GPATCH2: variants seen among roughly 807,000 people sequenced by gnomAD.
GPATCH2 encodes the protein G-patch domain containing 2, also known as G patch domain-containing protein 2.
GPATCH2 carries 51 observed loss-of-function variants against 58.0 expected under a neutral mutation model. That is an observed-to-expected ratio of 0.88 (90% confidence interval 0.70 to 1.11). GPATCH2 has a LOEUF of 1.11. GPATCH2 is among the 50% of genes most tolerant of loss of function. The probability of loss-of-function intolerance (pLI) is 0.00; values close to 1 mark genes in which losing one functional copy is unlikely to be tolerated. For synonymous variants in GPATCH2, 222 were observed against 218.5 expected, an observed-to-expected ratio of 1.02 and a Z score of -0.14; for missense variants, 625 against 652.2, an observed-to-expected ratio of 0.96 and a Z score of 0.45.
intron 5 of GPATCH2, among the ~76,000 whole-genome samples, chr1:217,546,285 G>A (rs1244587553): frequency 6.6e-6 from 1 of 151,936 alleles, no homozygotes; most frequent in African/African-American, 2.4e-5. Flanking sequence ...CACAGAACTA[G>A]AAAAAAACTA....
At position 217,427,430 on chromosome 1, in the gene GPATCH2, C is replaced by T. The variant is rs1658378440; in HGVS notation, c.*3715G>A. The T allele has an allele frequency of 6.6e-6, 1 of 152,048 alleles. No homozygotes were observed. The highest frequency in any genetic ancestry group is 6.6e-5 in the Admixed American group (1 of 15,262). 9.4% of individuals were successfully genotyped at this position (152,048 alleles called of 1,614,324 possible). The stretch of plus-strand genomic sequence containing the variant: ...TAAATGATAATTGTCAATGGGTACT[C>T]ATTTAAACCAATTTTTAAAGTACTT... On this transcript the variant is annotated 3_prime_UTR_variant, in exon 10 of 10. Coordinates refer to ENST00000366935, the MANE Select transcript of GPATCH2 (RefSeq NM_018040.5).
intron 8 of GPATCH2, among the ~76,000 whole-genome samples, chr1:217,453,316 C>G (rs1479649257): frequency 6.6e-6 from 1 of 152,062 alleles, no homozygotes; most frequent in African/African-American, 2.4e-5. Context: ...AAACACCAAT[C>G]AACTAGATAT....
intron 6 of GPATCH2, among the ~76,000 whole-genome samples, chr1:217,501,528 G>A (rs926481065): frequency 6.6e-6 from 1 of 152,048 alleles, no homozygotes; most frequent in Non-Finnish European, 1.5e-5. Flanking sequence ...ACATTTTCCA[G>A]AATGGCTACA....
In GPATCH2 at chr1:217,620,419, CCA is replaced by C. The variant is rs1439092766; in HGVS notation, c.135_136del (p.Gly46IlefsTer3). The C allele has an allele frequency of 3.1e-6, 5 of 1,613,928 alleles. No individual in the cohort carries two copies. In the African/African-American group the frequency reaches 6.7e-5, roughly 22 times the overall value. On this transcript the variant is annotated frameshift_variant, in exon 2 of 10. Coordinates refer to ENST00000366935, the MANE Select transcript of GPATCH2 (RefSeq NM_018040.5). LOFTEE classifies it high-confidence loss of function. ...AGAATGGTCTCCTGTTTCAGCAAAT[CCA>C]CCTCGAGCTTGCTCTGAGCTCTCTT... is the stretch of plus-strand genomic sequence containing the variant.
intron 8 of GPATCH2, among the ~76,000 whole-genome samples, chr1:217,473,873 C>G (rs572702683): frequency 6.6e-6 from 1 of 151,982 alleles, no homozygotes; most frequent in East Asian, 1.9e-4. Context: ...ATAAGGACAC[C>G]CCTCAGGAAA....
intron 6 of GPATCH2, among the ~76,000 whole-genome samples, chr1:217,503,440 A>T (rs1662400892): frequency 6.6e-6 from 1 of 152,150 alleles, no homozygotes; most frequent in Non-Finnish European, 1.5e-5. Flanking sequence ...AATGTAGTGG[A>T]TGATGAAAGA....
chr1:217,554,035 G>A (rs952561198), intron 5 of GPATCH2, among the ~76,000 whole-genome samples: 2 of 152,148 alleles, frequency 1.3e-5, no homozygotes, highest in East Asian at 1.9e-4. Context: ...ACGCTTCAGC[G>A]CAAACAACTC....
In GPATCH2 at chr1:217,428,760, C is replaced by G. The variant is rs554763410; in HGVS notation, c.*2385G>C. Reference sequence around the variant, plus strand: ...AACTGTCTTCTATTAGCTGAAAATACAAAGAAGAATTTTTTTAGGTGTTAG... The same window carrying G: ...AACTGTCTTCTATTAGCTGAAAATAGAAAGAAGAATTTTTTTAGGTGTTAG... On this transcript the variant is annotated 3_prime_UTR_variant, in exon 10 of 10. Transcript: ENST00000366935. The G allele has an allele frequency of 6.6e-6, 1 of 152,258 alleles. No homozygotes were observed. Among genetic ancestry groups the G allele is most frequent in the South Asian group, 2.1e-4 (1 of 4,820 alleles). The allele number at this position is 152,258 out of a possible 1,614,324, so 9.4% of individuals were successfully genotyped here. A position where few individuals can be genotyped will look rare whatever the true frequency, so the allele number is the denominator to read the frequency against.
chr1:217,591,323 G>A (rs963272504), intron 5 of GPATCH2, among the ~76,000 whole-genome samples: 4 of 152,024 alleles, frequency 2.6e-5, no homozygotes, highest in South Asian at 2.1e-4. Context: ...GTGTGTGTGC[G>A]TAAGACTAAT....
chr1:217,599,473 G>C (rs1408711670), intron 5 of GPATCH2, among the ~76,000 whole-genome samples: 2 of 152,220 alleles, frequency 1.3e-5, no homozygotes, highest in East Asian at 3.8e-4. Context: ...GATGTGGCAA[G>C]AGTGGAGGCA....
chr1:217,532,898 TTG>T (rs1491077333), intron 5 of GPATCH2, among the ~76,000 whole-genome samples: 10 of 10,848 alleles, frequency 9.2e-4, no homozygotes, highest in East Asian at 4.7e-3. Context: ...TTTTTTTTTT[TTG>T]TTTTTTTTTT....
chr1:217,623,033 T>G (rs1048202654), intron 1 of GPATCH2, among the ~76,000 whole-genome samples: 2 of 152,220 alleles, frequency 1.3e-5, no homozygotes, highest in Admixed American at 6.5e-5. Context: ...TCTTTTCCTG[T>G]GACATTATTT....
intron 5 of GPATCH2, among the ~76,000 whole-genome samples, chr1:217,568,868 G>A (rs550027471): frequency 1.3e-5 from 2 of 152,162 alleles, no homozygotes; most frequent in South Asian, 4.1e-4. Flanking sequence ...AGACCGTAGA[G>A]AGCAAAGGCA....
intron 5 of GPATCH2, among the ~76,000 whole-genome samples, chr1:217,553,848 G>A (rs2102675537): frequency 6.6e-6 from 1 of 152,250 alleles, no homozygotes; most frequent in East Asian, 1.9e-4. Flanking sequence ...GTAACCAAAA[G>A]CTTCCAAACA....
chr1:217,596,845 C>G (rs1667855153), intron 5 of GPATCH2, among the ~76,000 whole-genome samples: 1 of 151,998 alleles, frequency 6.6e-6, no homozygotes, highest in Admixed American at 6.6e-5. Flanking sequence ...AATTTTAAAA[C>G]CTGTGTATTT....
chr1:217,622,076 C>A (rs751476410), intron 1 of GPATCH2, among the ~76,000 whole-genome samples: 2 of 152,192 alleles, frequency 1.3e-5, no homozygotes, highest in Non-Finnish European at 2.9e-5. Flanking sequence ...ATCAGCTACA[C>A]GATCCCAGTG....
intron 6 of GPATCH2, among the ~76,000 whole-genome samples, chr1:217,507,064 A>G (rs960882460): frequency 6.6e-6 from 1 of 152,216 alleles, no homozygotes; most frequent in African/African-American, 2.4e-5. Context: ...GAGAACCACA[A>G]CAACTGTGAT....
chr1:217,468,723 A>G (rs1660587494), intron 8 of GPATCH2, among the ~76,000 whole-genome samples: 2 of 152,224 alleles, frequency 1.3e-5, no homozygotes, highest in African/African-American at 2.4e-5. Context: ...GTTATTTTTT[A>G]TAGATGGGAT....
intron 5 of GPATCH2, among the ~76,000 whole-genome samples, chr1:217,516,260 T>G (rs374203615): frequency 1.3e-5 from 2 of 152,040 alleles, no homozygotes; most frequent in Non-Finnish European, 2.9e-5. Flanking sequence ...ATTATAGAAG[T>G]GCCATTTATA....
Sources: gnomAD v4.1 joint callset for allele counts (sites outside exome capture counted in the v4.1 genomes callset) on GRCh38, gnomAD v4.1.1 for gene constraint, MANE v1.5 for transcripts, NCBI Gene and HGNC (gene_info 2026-07-23, HGNC 2026-07-21) for gene names.